Variants in NRG1 observed in about 807,000 individuals in gnomAD.
NRG1 encodes the protein pro-neuregulin-1, membrane-bound isoform.
A neutral mutation model predicts 63.8 loss-of-function variants in NRG1; 18 were observed. The ratio of observed to expected loss-of-function variants is 0.28; its 90% CI spans 0.19 to 0.42. The LOEUF is 0.42. NRG1 is among the 10% of genes least tolerant of loss of function. The probability of loss-of-function intolerance (pLI) is 1.00; values close to 1 mark genes in which losing one functional copy is unlikely to be tolerated. For synonymous variants in NRG1, 302 were observed against 301.3 expected (o/e 1.00, Z -0.02); for missense variants, 762 against 814.7 (o/e 0.94, Z 0.79).
intron 5 of NRG1, among the ~76,000 whole-genome samples, chr8:32,718,755 C>T (rs1819898428): frequency 6.6e-6 from 1 of 152,128 alleles, no homozygotes; most frequent in African/African-American, 2.4e-5. Context: ...TCTTCTCCCA[C>T]AACCATAGGC....
chr8:32,564,644 C>A (rs1313119094), intron 1 of NRG1, among the ~76,000 whole-genome samples: 1 of 152,156 alleles, frequency 6.6e-6, no homozygotes, highest in Non-Finnish European at 1.5e-5. Context: ...TGGTCTAAAA[C>A]CAAGATGCAG....
intron 1 of NRG1, among the ~76,000 whole-genome samples, chr8:31,865,461 C>G (rs1309616695): frequency 6.6e-5 from 10 of 152,094 alleles, no homozygotes; most frequent in Admixed American, 6.6e-4. Context: ...TGTGTTCCCA[C>G]CCAAGTCTCA....
intron 5 of NRG1, 150 bp downstream of exon 5, chr8:32,617,035 G>A (rs978104167): frequency 1.7e-5 from 11 of 633,554 alleles, no homozygotes; most frequent in African/African-American, 1.3e-4. Context: ...GAGTAGAAAT[G>A]GCCTCCTAAT....
chr8:32,614,497 T>C lies in NRG1; in HGVS notation c.401-17T>C. The C allele has an allele frequency of 3.1e-6, 5 of 1,612,172 alleles. No homozygotes were observed. The highest frequency in any genetic ancestry group is 4.2e-6 in the Non-Finnish European group (5 of 1,178,662). ...CCTGTTTATATATCATAATGTCCTA[T>C]CACCTTTTTTTTTCAGAGATCATCA... On this transcript the variant is annotated splice_polypyrimidine_tract_variant and intron_variant, in intron 3 of 11. Coordinates refer to ENST00000356819, the Ensembl canonical transcript of NRG1.
chr8:31,773,478 A>G (rs149379349), intron 1 of NRG1, among the ~76,000 whole-genome samples: 2 of 152,332 alleles, frequency 1.3e-5, no homozygotes, highest in East Asian at 3.9e-4. Flanking sequence ...CTAAAAACCT[A>G]GCTCAAACCA....
At chr8:31,699,516 G>T (rs1810418611) in intron 1 of NRG1, among the ~76,000 whole-genome samples, 1 of 152,046 alleles carries the variant, frequency 6.6e-6, no homozygotes, top group Non-Finnish European at 1.5e-5. Flanking sequence ...CTCTGATGAA[G>T]TACTCCCAAT....
exon 2 of NRG1, chr8:32,595,880 C>T: frequency 6.2e-7 from 1 of 1,613,680 alleles, no homozygotes; most frequent in Non-Finnish European, 8.5e-7. Flanking sequence ...CTGCAGGTTC[C>T]AAACTAGTCC....
chr8:31,639,290 G>C, exon 1 of NRG1: 1 of 1,401,726 alleles, frequency 7.1e-7, no homozygotes, highest in South Asian at 1.2e-5. Flanking sequence ...TTTGCCGCCC[G>C]TCCTCCCATT....
chr8:32,647,160 T>A (rs1056054364), intron 5 of NRG1: 50 of 985,280 alleles, frequency 5.1e-5, no homozygotes, highest in Non-Finnish European at 5.4e-5. Flanking sequence ...TGCTCTGTAA[T>A]GATTCAGCCC....
At chr8:32,514,827 AT>A (rs202151913) in intron 1 of NRG1, among the ~76,000 whole-genome samples, 1,817 of 152,160 alleles carry the variant, frequency 0.012, 37 homozygotes, top group African/African-American at 0.041. Context: ...GATTAAAAAA[AT>A]AATGTCGACT....
intron 1 of NRG1, among the ~76,000 whole-genome samples, chr8:31,927,781 C>T (rs1834506699): frequency 6.6e-6 from 1 of 151,210 alleles, no homozygotes; most frequent in South Asian, 2.1e-4. Flanking sequence ...GAGTGTGAAT[C>T]TTCCACCTCC....
chr8:32,192,402 G>A (rs572201692), intron 1 of NRG1, among the ~76,000 whole-genome samples: 205 of 152,152 alleles, frequency 1.3e-3, no homozygotes, highest in Admixed American at 5.4e-3. Flanking sequence ...GTAATACTAC[G>A]CAGCCATACA....
At chr8:32,109,004 C>T (rs1831647756) in intron 1 of NRG1, among the ~76,000 whole-genome samples, 1 of 152,206 alleles carries the variant, frequency 6.6e-6, no homozygotes, top group Non-Finnish European at 1.5e-5. Context: ...TTTAACCACA[C>T]AGTCACGGAA....
At chr8:31,842,929 T>G (rs1422752561) in intron 1 of NRG1, among the ~76,000 whole-genome samples, 1 of 152,190 alleles carries the variant, frequency 6.6e-6, no homozygotes, top group Admixed American at 6.5e-5. Flanking sequence ...ACCCTGGATT[T>G]CATAGGATGT....
intron 1 of NRG1, among the ~76,000 whole-genome samples, chr8:32,048,210 C>T (rs193222902): frequency 4.0e-5 from 6 of 151,330 alleles, no homozygotes; most frequent in African/African-American, 7.3e-5. Context: ...GCAGTAAACA[C>T]GGTAAACACG....
intron 1 of NRG1, among the ~76,000 whole-genome samples, chr8:32,234,031 T>C (rs1847280529): frequency 6.6e-6 from 1 of 152,226 alleles, no homozygotes. Flanking sequence ...TAAATGTGTG[T>C]ACTGGCTTAA....
intron 1 of NRG1, among the ~76,000 whole-genome samples, chr8:31,658,249 G>GA (rs1563263252): frequency 1.3e-5 from 2 of 152,172 alleles, no homozygotes; most frequent in Non-Finnish European, 2.9e-5. Flanking sequence ...GTCTAGTGGG[G>GA]AAAAATCTGG....
At chr8:32,372,338 C>T (rs1361147709) in intron 1 of NRG1, among the ~76,000 whole-genome samples, 1 of 151,830 alleles carries the variant, frequency 6.6e-6, no homozygotes, top group East Asian at 1.9e-4. Flanking sequence ...AGCTTTAAAC[C>T]CAGGCTCTGC....
chr8:32,726,869 A>G (rs1327137176), intron 5 of NRG1, among the ~76,000 whole-genome samples: 1 of 152,206 alleles, frequency 6.6e-6, no homozygotes, highest in Non-Finnish European at 1.5e-5. Context: ...TTAAAAATTC[A>G]TAAGAATGTT....
Sources: allele counts gnomAD v4.1 joint callset (sites outside exome capture counted in the v4.1 genomes callset), GRCh38; gene constraint gnomAD v4.1.1; transcripts MANE v1.5; gene names NCBI Gene and HGNC (gene_info 2026-07-23, HGNC 2026-07-21).